The following FRMPD4 variants were observed in gnomAD, a reference collection of about 807,000 sequenced individuals.
FRMPD4 encodes the protein FERM and PDZ domain containing 4.
FRMPD4 carries 22 observed loss-of-function variants against 94.1 expected under a neutral mutation model. That is an observed-to-expected ratio of 0.23 (90% CI 0.17 to 0.33). The LOEUF (loss-of-function observed/expected upper bound fraction) is 0.33, where lower values mean the gene tolerates loss of function less well. Ranked by LOEUF, FRMPD4 falls within the 10% of genes least tolerant of loss-of-function variation. The pLI is 1.00. For missense variants in FRMPD4, 1,111 were observed against 1,339.9 expected, an observed-to-expected ratio of 0.83 and a Z score of 2.67; for synonymous variants, 631 against 548.6, an observed-to-expected ratio of 1.15 and a Z score of -2.10.
chrX:12,601,279 C>A (rs192558922), intron 2 of FRMPD4, among the ~76,000 whole-genome samples: 63 of 111,847 alleles, frequency 5.6e-4, no homozygotes, highest in African/African-American at 2.0e-3. Context: ...CCACAGTATG[C>A]GTATTTATGA....
At chrX:12,501,223 G>T (rs746906614) in intron 2 of FRMPD4, among the ~76,000 whole-genome samples, 2 of 112,635 alleles carry the variant, frequency 1.8e-5, no homozygotes, top group African/African-American at 6.4e-5. Flanking sequence ...CAGCTTAATA[G>T]AGAAACCTGC....
intron 1 of FRMPD4, among the ~76,000 whole-genome samples, chrX:12,313,180 G>T (rs1237241263): frequency 8.9e-6 from 1 of 112,642 alleles, no homozygotes; most frequent in African/African-American, 3.2e-5. Flanking sequence ...TCAAACTTGA[G>T]AAGATGAAGA....
At chrX:12,188,495 A>G (rs962730887) in intron 1 of FRMPD4, among the ~76,000 whole-genome samples, 2 of 112,146 alleles carry the variant, frequency 1.8e-5, no homozygotes, top group African/African-American at 6.5e-5. Flanking sequence ...TCTTGTCAGT[A>G]TCCTGTAAGG....
chrX:12,361,526 C>T (rs1195569493), intron 1 of FRMPD4, among the ~76,000 whole-genome samples: 2 of 112,034 alleles, frequency 1.8e-5, no homozygotes, highest in African/African-American at 3.2e-5. Context: ...CTTTCCATTC[C>T]CTAAGATTTG....
Position 12,129,585 on chromosome X carries a change from T to C in FRMPD4, c.95+251567T>C, listed in dbSNP as rs192500223. Among the ~76,000 whole-genome samples the C allele has an allele frequency of 3.0e-3, 340 of 111,718 alleles. 1 individual carries two copies. Among genetic ancestry groups the C allele is most frequent in the African/African-American group, 0.011 (329 of 30,739 alleles). On this transcript the variant is annotated intron_variant, in intron 3 of 18. Coordinates refer to the FRMPD4 transcript ENST00000640291. ...TCCCAGCCCCATATACCTCCCTCCT[T>C]TGAACAACATTCACGGCTACCCATC... is the stretch of plus-strand genomic sequence containing the variant.
intron 3 of FRMPD4, among the ~76,000 whole-genome samples, chrX:12,053,915 G>T (rs2054838942): frequency 8.9e-6 from 1 of 112,056 alleles, no homozygotes; most frequent in South Asian, 3.7e-4. Flanking sequence ...CAGTTATGGA[G>T]AAATATAACT....
chrX:12,449,912 C>T (rs2057244617), intron 1 of FRMPD4, among the ~76,000 whole-genome samples: 1 of 109,448 alleles, frequency 9.1e-6, no homozygotes, highest in Non-Finnish European at 1.9e-5. Context: ...TTTCTTGAGC[C>T]TGGGAGGTGG....
chrX:12,541,960 C>T (rs756693282), intron 2 of FRMPD4, among the ~76,000 whole-genome samples: 1 of 112,144 alleles, frequency 8.9e-6, no homozygotes, highest in Non-Finnish European at 1.9e-5. Context: ...AAATGTAATC[C>T]ATCACATAAA....
chrX:12,207,903 G>GT (rs1219688408), intron 1 of FRMPD4, among the ~76,000 whole-genome samples: 1 of 111,791 alleles, frequency 8.9e-6, no homozygotes, highest in Non-Finnish European at 1.9e-5. Context: ...CAGCTTCCTG[G>GT]TTCTAGGAAG....
intron 1 of FRMPD4, among the ~76,000 whole-genome samples, chrX:12,140,932 G>A (rs1446785802): frequency 9.0e-6 from 1 of 111,709 alleles, no homozygotes; most frequent in East Asian, 2.8e-4. Context: ...GACAGAAGGT[G>A]CAAATGTTCT....
intron 2 of FRMPD4, among the ~76,000 whole-genome samples, chrX:12,577,394 A>G (rs1051021003): frequency 9.0e-6 from 1 of 110,821 alleles, no homozygotes; most frequent in South Asian, 3.9e-4. Context: ...GCTTTTGGGT[A>G]GAGGCTTCAT....
At chrX:12,184,101 A>G (rs1369596381) in intron 1 of FRMPD4, among the ~76,000 whole-genome samples, 1 of 111,250 alleles carries the variant, frequency 9.0e-6, no homozygotes, top group Non-Finnish European at 1.9e-5. Flanking sequence ...AGAAAAAACC[A>G]TATTTATGAT....
chrX:12,279,089 A>C (rs773477518), intron 1 of FRMPD4, among the ~76,000 whole-genome samples: 14 of 112,371 alleles, frequency 1.2e-4, no homozygotes, highest in Non-Finnish European at 2.3e-4. Flanking sequence ...AACTGTTTTC[A>C]CTCAAATCTT....
chrX:12,701,749 A>ATT, intron 9 of FRMPD4, 125 bp from the exon 10 acceptor site: 1 of 697,825 alleles, frequency 1.4e-6, no homozygotes, highest in East Asian at 3.4e-5. Context: ...ATGTTTCCAC[A>ATT]TTTAGCCTCC....
At chrX:12,091,139 T>C (rs1382128015) in intron 3 of FRMPD4, among the ~76,000 whole-genome samples, 1 of 112,306 alleles carries the variant, frequency 8.9e-6, no homozygotes, top group Admixed American at 9.5e-5. Context: ...ATCCTCATAA[T>C]GACTATGAAT....
At chrX:12,135,957 A>G (rs2055592694), upstream of FRMPD4, among the ~76,000 whole-genome samples, 1 of 111,166 alleles carries the variant, frequency 9.0e-6, no homozygotes, top group African/African-American at 3.3e-5. Context: ...GTCGGTGGCC[A>G]CTCTTTTGGG....
Position 12,710,440 on chromosome X carries a change from G to A in FRMPD4, c.1512G>A (p.Leu504=). ...TGGAATCCTCAGATGCCATGAACCT[G>A]GCCTGCTTGACGGCTGGATACTACC... The part of the protein sequence containing the change: ...LLMESSDAMN[L]ACLTAGYYRL... The change falls in exon 14 of 17, where the codon CTG becomes CTA. Residue 504 remains leucine (L), a synonymous_variant. Transcript: ENST00000675598. 8.3e-7 allele frequency: 1 copy of A among 1,201,414 alleles called. No individual in the cohort carries two copies. The highest frequency in any genetic ancestry group is 1.1e-6 in the Non-Finnish European group (1 of 886,503).
At chrX:12,463,692 G>GTTTTTTT (rs1235218164) in intron 1 of FRMPD4, among the ~76,000 whole-genome samples, 1 of 81,751 alleles carries the variant, frequency 1.2e-5, no homozygotes, top group Admixed American at 1.7e-4. Context: ...TTTTTTTTTT[G>GTTTTTTT]TTTTTGTTTT....
At chrX:12,358,674 G>C (rs1448796938) in intron 1 of FRMPD4, among the ~76,000 whole-genome samples, 2 of 111,867 alleles carry the variant, frequency 1.8e-5, no homozygotes, top group Non-Finnish European at 3.8e-5. Context: ...TCTGAGAAAA[G>C]TCATTACTTA....
Sources: allele counts gnomAD v4.1 joint callset (sites outside exome capture counted in the v4.1 genomes callset), GRCh38; gene constraint gnomAD v4.1.1; transcripts MANE v1.5; gene names NCBI Gene and HGNC (gene_info 2026-07-23, HGNC 2026-07-21).